The following ZNF804B variants were observed in gnomAD, a reference collection of about 807,000 sequenced individuals.
ZNF804B encodes the protein zinc finger 804B.
A neutral mutation model predicts 101.4 loss-of-function variants in ZNF804B; 80 were observed. That is an observed-to-expected ratio of 0.79 (90% CI 0.66 to 0.95). ZNF804B has a LOEUF of 0.95. Among genes scored for constraint, ZNF804B ranks in the 40% least tolerant of loss-of-function variants. The pLI is 0.00. For missense variants in ZNF804B, 1,673 were observed against 1,561.9 expected (o/e 1.07, Z -1.20); for synonymous variants, 622 against 558.8 (o/e 1.11, Z -1.59).
At chr7:89,178,141 AT>A (rs1788234209) in intron 1 of ZNF804B, among the ~76,000 whole-genome samples, 1 of 150,934 alleles carries the variant, frequency 6.6e-6, no homozygotes, top group Non-Finnish European at 1.5e-5. Flanking sequence ...CTATTCTTTC[AT>A]TTTTAGTCTT....
chr7:89,154,623 A>G (rs1293452559), intron 1 of ZNF804B, among the ~76,000 whole-genome samples: 1 of 152,146 alleles, frequency 6.6e-6, no homozygotes, highest in Non-Finnish European at 1.5e-5. Context: ...AAAGACAAAC[A>G]TCACATGTTC....
chr7:89,220,044 T>TGTGTATATACCTATATAC (rs1283833707), intron 2 of ZNF804B, among the ~76,000 whole-genome samples: 1 of 139,670 alleles, frequency 7.2e-6, no homozygotes, highest in African/African-American at 2.8e-5. Flanking sequence ...CACATATATG[T>TGTGTATATACCTATATAC]GCATATATAC....
intron 1 of ZNF804B, among the ~76,000 whole-genome samples, chr7:88,842,440 T>C (rs1480947211): frequency 1.3e-5 from 2 of 152,186 alleles, no homozygotes; most frequent in Non-Finnish European, 1.5e-5. Context: ...AATAAAACTT[T>C]GCACTGTGGG....
intron 1 of ZNF804B, among the ~76,000 whole-genome samples, chr7:89,156,225 T>C (rs1171500876): frequency 6.6e-6 from 1 of 151,926 alleles, no homozygotes; most frequent in Non-Finnish European, 1.5e-5. Context: ...GCAATTCTCC[T>C]GCCTCAGCCT....
At chr7:89,231,204 G>T (rs778119673) in intron 2 of ZNF804B, among the ~76,000 whole-genome samples, 83 of 152,096 alleles carry the variant, frequency 5.5e-4, no homozygotes, top group Non-Finnish European at 9.3e-4. Context: ...TGAGGAAAAT[G>T]CTATTTGTGT....
intron 1 of ZNF804B, among the ~76,000 whole-genome samples, chr7:89,015,684 G>T (rs1450288800): frequency 1.4e-4 from 22 of 152,050 alleles, no homozygotes; most frequent in Non-Finnish European, 2.6e-4. Flanking sequence ...TTTTATGGCT[G>T]CATAGTATTC....
At chr7:89,062,395 T>C (rs1182356489) in intron 1 of ZNF804B, among the ~76,000 whole-genome samples, 1 of 152,126 alleles carries the variant, frequency 6.6e-6, no homozygotes, top group African/African-American at 2.4e-5. Flanking sequence ...CTAAGCAATA[T>C]TGACCTGACT....
rs752332894 is a variant in ZNF804B at position 89,333,346 on chromosome 7, A to G, written c.381-17A>G. ...AAGCTAATCTCTTAATCATTTAAAT[A>G]TTTATTGTATTTACAGTGTTTCTGG... On this transcript the variant is annotated splice_polypyrimidine_tract_variant and intron_variant, in intron 3 of 3. Coordinates refer to ENST00000333190, the MANE Select transcript of ZNF804B (RefSeq NM_181646.5). 3.2e-6 allele frequency: 5 copies of G among 1,539,936 alleles called. No homozygotes were observed. In the East Asian group the frequency reaches 1.2e-4, roughly 36 times the overall value.
chr7:88,993,278 A>G (rs1793874227), intron 1 of ZNF804B, among the ~76,000 whole-genome samples: 1 of 152,064 alleles, frequency 6.6e-6, no homozygotes, highest in African/African-American at 2.4e-5. Flanking sequence ...CATTATTCCA[A>G]ACATCACTTG....
chr7:89,057,451 G>T (rs1181825001), intron 1 of ZNF804B, among the ~76,000 whole-genome samples: 4 of 152,058 alleles, frequency 2.6e-5, no homozygotes, highest in Non-Finnish European at 5.9e-5. Context: ...GGAGCTCAGA[G>T]TGAGGGCTAC....
intron 1 of ZNF804B, among the ~76,000 whole-genome samples, chr7:88,850,817 T>A (rs566636262): frequency 1.3e-5 from 2 of 152,032 alleles, no homozygotes; most frequent in African/African-American, 4.8e-5. Context: ...ACAAAAATCA[T>A]TCAAAACTAA....
At chr7:88,919,776 T>G (rs1230908245) in intron 1 of ZNF804B, among the ~76,000 whole-genome samples, 3 of 152,142 alleles carry the variant, frequency 2.0e-5, no homozygotes, top group African/African-American at 7.2e-5. Context: ...GTAATAATTC[T>G]GATTAACAGC....
chr7:89,220,116 C>T (rs371718328), intron 2 of ZNF804B, among the ~76,000 whole-genome samples: 1 of 47,530 alleles, frequency 2.1e-5, no homozygotes, highest in African/African-American at 1.1e-4. Context: ...TGTGTATATA[C>T]ATATATATAC....
intron 1 of ZNF804B, among the ~76,000 whole-genome samples, chr7:89,093,373 T>A (rs540129801): frequency 4.9e-4 from 74 of 152,314 alleles, no homozygotes; most frequent in African/African-American, 1.7e-3. Context: ...TTCAGTGAGG[T>A]TGTTTCATAA....
At chr7:89,266,877 T>TGTGTGTGTGTGTGTGTG (rs1789803563) in intron 2 of ZNF804B, among the ~76,000 whole-genome samples, 1 of 150,872 alleles carries the variant, frequency 6.6e-6, no homozygotes, top group Non-Finnish European at 1.5e-5. Flanking sequence ...GTGTCTGTGT[T>TGTGTGTGTGTGTGTGTG]TGTGTGTGTG....
intron 1 of ZNF804B, among the ~76,000 whole-genome samples, chr7:89,004,286 C>G (rs539607607): frequency 2.7e-5 from 4 of 150,620 alleles, no homozygotes; most frequent in African/African-American, 9.7e-5. Flanking sequence ...TTTTTTGTTT[C>G]CCATCTGACT....
rs541147983 is a variant in ZNF804B at position 88,832,443 on chromosome 7, T to A, written c.108+72359T>A. Reference sequence around the variant, plus strand: ...TGAATCTGTATATGGAAGATGCGCATGGCTTGTTCTTAAGTTTTGTGGAGA... The same window carrying A: ...TGAATCTGTATATGGAAGATGCGCAAGGCTTGTTCTTAAGTTTTGTGGAGA... On this transcript the variant is annotated intron_variant, in intron 1 of 3. Coordinates refer to ENST00000333190, the MANE Select transcript of ZNF804B (RefSeq NM_181646.5). Among the ~76,000 whole-genome samples, 7 of 152,128 alleles carry A rather than the reference T, an allele frequency of 4.6e-5. No homozygotes were observed. In the East Asian group the frequency reaches 1.4e-3, roughly 29 times the overall value.
intron 2 of ZNF804B, among the ~76,000 whole-genome samples, chr7:89,232,288 G>A (rs1334554348): frequency 1.3e-5 from 2 of 151,988 alleles, no homozygotes; most frequent in African/African-American, 2.4e-5. Context: ...TCTCACTCAT[G>A]GTGGATAACA....
intron 1 of ZNF804B, among the ~76,000 whole-genome samples, chr7:88,990,046 G>T (rs1793822477): frequency 6.6e-6 from 1 of 151,836 alleles, no homozygotes; most frequent in Non-Finnish European, 1.5e-5. Flanking sequence ...ACCTATTGTG[G>T]TTCTAGCCAA....
Sources: gnomAD v4.1 joint callset for allele counts (sites outside exome capture counted in the v4.1 genomes callset) on GRCh38, gnomAD v4.1.1 for gene constraint, MANE v1.5 for transcripts, NCBI Gene and HGNC (gene_info 2026-07-23, HGNC 2026-07-21) for gene names.